The following MANBA variants were observed in gnomAD, a reference collection of about 807,000 sequenced individuals.
MANBA encodes the protein mannosidase beta.
Under a neutral mutation model 111.1 loss-of-function variants are expected in MANBA, and 83 were observed. The observed-to-expected ratio is 0.75, with a 90% CI of 0.63 to 0.90. The LOEUF (loss-of-function observed/expected upper bound fraction) is 0.90, where lower values mean the gene tolerates loss of function less well. Ranked by LOEUF, MANBA falls within the 40% of genes least tolerant of loss-of-function variation. The probability of loss-of-function intolerance (pLI) is 0.00; values close to 1 mark genes in which losing one functional copy is unlikely to be tolerated. For synonymous variants in MANBA, 370 were observed against 378.7 expected, an observed-to-expected ratio of 0.98 and a Z score of 0.27; for missense variants, 1,036 against 1,069.0, an observed-to-expected ratio of 0.97 and a Z score of 0.43.
chr4:102,722,808 A>T lies in MANBA; in HGVS notation c.549+63T>A. On this transcript the variant is annotated intron_variant, in intron 4 of 16. Coordinates refer to ENST00000647097, the MANE Select transcript of MANBA (RefSeq NM_005908.4). The stretch of plus-strand genomic sequence containing the variant: ...ATGCCATGGGAGTCTTCAAATAAGC[A>T]TTTCATATGCCAGCACACCCCGTCC... 8.5e-6 allele frequency: 13 copies of T among 1,527,614 alleles called. No homozygotes were observed. In the South Asian group the frequency reaches 1.5e-4, roughly 17 times the overall value. 94.6% of individuals were successfully genotyped at this position (1,527,614 alleles called of 1,614,324 possible). A position where few individuals can be genotyped will look rare whatever the true frequency, so the allele number is the denominator to read the frequency against.
rs533778234 is a variant in MANBA at position 102,728,133 on chromosome 4, G to T, written c.178-1450C>A. On this transcript the variant is annotated intron_variant, in intron 1 of 16. Coordinates refer to ENST00000647097, the MANE Select transcript of MANBA (RefSeq NM_005908.4). ...GCCTTATGCTCTTGGTTGAACGAAG[G>T]CTTGGTATAGATGGCGTTTCCTGCT... is the stretch of plus-strand genomic sequence containing the variant. 17 of 538,216 alleles carry T rather than the reference G, an allele frequency of 3.2e-5. 1 individual carries two copies. Among genetic ancestry groups the T allele is most frequent in the South Asian group, 2.2e-4 (16 of 72,438 alleles). 33.3% of individuals were successfully genotyped at this position (538,216 alleles called of 1,614,324 possible).
At chr4:102,732,939 G>A (rs1723082615) in intron 1 of MANBA, among the ~76,000 whole-genome samples, 1 of 152,134 alleles carries the variant, frequency 6.6e-6, no homozygotes, top group Admixed American at 6.5e-5. Flanking sequence ...TAAGCCCGGG[G>A]GCTGGCTGAT....
At chr4:102,751,431 G>C in intron 1 of MANBA, 1 of 490,994 alleles carries the variant, frequency 2.0e-6, no homozygotes, top group Non-Finnish European at 4.1e-6. Flanking sequence ...TTTCTACACC[G>C]ATAACAAGAA....
chr4:102,742,498 C>A (rs1723439774), intron 1 of MANBA, among the ~76,000 whole-genome samples: 1 of 152,098 alleles, frequency 6.6e-6, no homozygotes, highest in Admixed American at 6.5e-5. Context: ...GTATTGTCAC[C>A]CAGTTGGCAT....
chr4:102,685,780 C>G (rs1732182629), intron 7 of MANBA, among the ~76,000 whole-genome samples: 1 of 152,134 alleles, frequency 6.6e-6, no homozygotes, highest in East Asian at 1.9e-4. Context: ...TCCAGAGACC[C>G]CCCCATTCAA....
chr4:102,701,171 A>G (rs1376757975), intron 5 of MANBA, among the ~76,000 whole-genome samples: 3 of 151,852 alleles, frequency 2.0e-5, no homozygotes, highest in Admixed American at 6.6e-5. Flanking sequence ...ATCAGAGACT[A>G]GGATTGCAAC....
intron 7 of MANBA, among the ~76,000 whole-genome samples, chr4:102,677,153 AAAG>A (rs561669569): frequency 4.6e-4 from 63 of 137,552 alleles, no homozygotes; most frequent in African/African-American, 2.1e-3. Flanking sequence ...TACTTGATAG[AAAG>A]AAGGACTGAC....
In MANBA at chr4:102,730,573, T is replaced by C. The variant is rs976052450; in HGVS notation, c.178-3890A>G. 1.5e-5 allele frequency: 8 copies of C among 538,518 alleles called. No individual in the cohort carries two copies. In the Admixed American group the frequency reaches 1.5e-4, roughly 10 times the overall value. The allele number at this position is 538,518 out of a possible 1,614,324, so 33.4% of individuals were successfully genotyped here. On this transcript the variant is annotated intron_variant, in intron 1 of 16. Transcript: ENST00000647097. ...AGGCAAGACGTAATTTAGTGCGTCA[T>C]TGATGTCTAGCTGCTCACTCCCAAA...
intron 1 of MANBA, chr4:102,729,707 G>T: frequency 6.5e-7 from 1 of 1,548,654 alleles, no homozygotes; most frequent in Non-Finnish European, 8.9e-7. Flanking sequence ...GCTTCTCCTG[G>T]CCCAGAGTCT....
intron 1 of MANBA, chr4:102,728,162 T>C (rs954137779): frequency 1.9e-6 from 1 of 539,136 alleles, no homozygotes; most frequent in Non-Finnish European, 3.8e-6. Context: ...TCCTGCTAAC[T>C]TCTCATGCCC....
chr4:102,701,521 T>C (rs1029119530), intron 5 of MANBA, among the ~76,000 whole-genome samples: 2 of 152,132 alleles, frequency 1.3e-5, no homozygotes, highest in Non-Finnish European at 2.9e-5. Flanking sequence ...CCATGTTGAG[T>C]GCTTCCTTCA....
intron 11 of MANBA, among the ~76,000 whole-genome samples, chr4:102,661,990 C>T (rs1730977756): frequency 6.6e-6 from 1 of 152,146 alleles, no homozygotes; most frequent in Non-Finnish European, 1.5e-5. Context: ...GCTTTTAATA[C>T]TATTCATCTT....
At chr4:102,728,141 T>G (rs1722882427) in intron 1 of MANBA, 3 of 538,568 alleles carry the variant, frequency 5.6e-6, no homozygotes, top group Non-Finnish European at 1.1e-5. Flanking sequence ...AGGCTTGGTA[T>G]AGATGGCGTT....
At chr4:102,671,505 T>A (rs1731498242) in intron 8 of MANBA, 107 bp from the exon 9 acceptor site, 3 of 722,292 alleles carry the variant, frequency 4.2e-6, no homozygotes, top group Non-Finnish European at 7.5e-6. Context: ...AAAATCATGA[T>A]GGTTTGGTTA....
chr4:102,649,080 T>C (rs1383904913), intron 13 of MANBA, among the ~76,000 whole-genome samples: 7 of 152,204 alleles, frequency 4.6e-5, no homozygotes, highest in African/African-American at 1.7e-4. Context: ...TGATTATCAG[T>C]AGTTTATTCT....
chr4:102,656,309 A>G (rs1210086665), intron 12 of MANBA, among the ~76,000 whole-genome samples: 3 of 152,136 alleles, frequency 2.0e-5, no homozygotes, highest in Non-Finnish European at 4.4e-5. Context: ...AAAGGAAGAT[A>G]TACAAATGGC....
At chr4:102,675,544 A>G (rs904706583) in intron 7 of MANBA, among the ~76,000 whole-genome samples, 18 of 152,184 alleles carry the variant, frequency 1.2e-4, no homozygotes, top group African/African-American at 3.6e-4. Context: ...TTGAACCCCA[A>G]AGTTTCCCTT....
chr4:102,752,719 G>A (rs1723856883), intron 1 of MANBA: 3 of 409,950 alleles, frequency 7.3e-6, no homozygotes, highest in Non-Finnish European at 9.7e-6. Flanking sequence ...TACTGATGCA[G>A]ATGCAGAAAG....
intron 5 of MANBA, among the ~76,000 whole-genome samples, chr4:102,700,408 A>G (rs1466243065): frequency 6.6e-6 from 1 of 151,858 alleles, no homozygotes; most frequent in Admixed American, 6.6e-5. Flanking sequence ...TAGCTTTCGA[A>G]TGTGTTTGCT....
Sources: gnomAD v4.1 joint callset for allele counts (sites outside exome capture counted in the v4.1 genomes callset) on GRCh38, gnomAD v4.1.1 for gene constraint, MANE v1.5 for transcripts, NCBI Gene and HGNC (gene_info 2026-07-23, HGNC 2026-07-21) for gene names.